ASB18: variants seen among roughly 807,000 people sequenced by gnomAD.
The protein encoded by ASB18 is ankyrin repeat and SOCS box protein 18.
ASB18 carries 33 observed loss-of-function variants against 33.4 expected under a neutral mutation model. The observed-to-expected ratio is 0.99, with a 90% confidence interval of 0.75 to 1.32. ASB18 has a LOEUF of 1.32. Among genes scored for constraint, ASB18 ranks in the 40% most tolerant of loss-of-function variants. The pLI is 0.00. For missense variants in ASB18, 694 were observed against 655.5 expected, an observed-to-expected ratio of 1.06 and a Z score of -0.64; for synonymous variants, 295 against 307.6, an observed-to-expected ratio of 0.96 and a Z score of 0.43.
At position 236,220,559 on chromosome 2, in the gene ASB18, T is replaced by C. The variant is rs2060506158; in HGVS notation, c.597-5693A>G. Among the ~76,000 whole-genome samples the C allele has an allele frequency of 6.6e-6, 1 of 152,100 alleles. No individual in the cohort carries two copies. The highest frequency in any genetic ancestry group is 2.1e-4 in the South Asian group (1 of 4,820). On this transcript the variant is annotated intron_variant, in intron 3 of 5. Transcript: ENST00000409749. This position sits in a 1 kb window ranked among gnomAD's most constrained non-coding sequence, Gnocchi z 5.1. ...GGATTCCCCAGTACTTGGCCTTTTT[T>C]TTTTTTTTTAAACAACTATTTATCT...
In ASB18 at chr2:236,238,109, CACAGAG is replaced by C. The variant is rs746433748; in HGVS notation, c.329-159_329-154del. On this transcript the variant is annotated intron_variant, in intron 2 of 5. Transcript: ENST00000409749. This position sits in a 1 kb window ranked among gnomAD's most constrained non-coding sequence, Gnocchi z 5.2. ...AGAAGAGGATAGAATCAGAGACGCA[CACAGAG>C]ACAGAGAGCAGAGAGACACACTGGG... Among the ~76,000 whole-genome samples the C allele has an allele frequency of 2.6e-5, 4 of 152,014 alleles. No individual in the cohort carries two copies. The highest frequency in any genetic ancestry group is 5.9e-5 in the Non-Finnish European group (4 of 68,004).
intron 4 of ASB18, among the ~76,000 whole-genome samples, chr2:236,207,145 T>TC (rs2060438259): frequency 6.6e-6 from 1 of 152,154 alleles, no homozygotes; most frequent in Non-Finnish European, 1.5e-5. Flanking sequence ...GCTTTCCCTT[T>TC]CCCCCTGTCA....
At chr2:236,233,569 T>A (rs564946044) in intron 3 of ASB18, among the ~76,000 whole-genome samples, 1 of 152,308 alleles carries the variant, frequency 6.6e-6, no homozygotes, top group Non-Finnish European at 1.5e-5. Context: ...AGAAGGGTTA[T>A]AGGATACAAG....
Position 236,229,487 on chromosome 2 carries a change from G to T in ASB18, c.596+8202C>A, listed in dbSNP as rs767646370. Among the ~76,000 whole-genome samples, 1 of 152,090 alleles carries T rather than the reference G, an allele frequency of 6.6e-6. No individual in the cohort carries two copies. Among genetic ancestry groups the T allele is most frequent in the Admixed American group, 6.6e-5 (1 of 15,258 alleles). On this transcript the variant is annotated intron_variant, in intron 3 of 5. Coordinates refer to ENST00000409749, the MANE Select transcript of ASB18 (RefSeq NM_212556.4). This position sits in a 1 kb window ranked among gnomAD's most constrained non-coding sequence, Gnocchi z 5.2. The stretch of plus-strand genomic sequence containing the variant: ...ATAATTGCCAAAATATTTCCAAATT[G>T]GATGAAAAGCATATAAACCCACAGA...
In ASB18 at chr2:236,240,072, G is replaced by A. The variant is rs530852836; in HGVS notation, c.328+1208C>T. On this transcript the variant is annotated intron_variant, in intron 2 of 5. Coordinates refer to ENST00000409749, the MANE Select transcript of ASB18 (RefSeq NM_212556.4). ...AGGGGTGGGAAGATTCGGGAGGGAA[G>A]GAGGAAACTGATTTTGGATACAGAA... is the stretch of plus-strand genomic sequence containing the variant. Among the ~76,000 whole-genome samples, 263 of 152,360 alleles carry A rather than the reference G, an allele frequency of 1.7e-3. 1 individual carries two copies. Among genetic ancestry groups the A allele is most frequent in the African/African-American group, 6.2e-3 (257 of 41,590 alleles).
In ASB18 at chr2:236,241,458, A is replaced by T. The variant is rs368128590; in HGVS notation, c.206-56T>A. On this transcript the variant is annotated intron_variant, in intron 1 of 5. Coordinates refer to ENST00000409749, the MANE Select transcript of ASB18 (RefSeq NM_212556.4). The surrounding 1 kb of genome is among the most constrained non-coding windows in gnomAD (Gnocchi z 4.2). ...CCGGGGACCCTGCTCTAGCTTGAGG[A>T]TCCTTCTCTGTCTTTTGAAATATTT... 2 of 1,608,134 alleles carry T rather than the reference A, an allele frequency of 1.2e-6. No individual in the cohort carries two copies. The highest frequency in any genetic ancestry group is 1.7e-6 in the Non-Finnish European group (2 of 1,175,526).
intron 1 of ASB18, among the ~76,000 whole-genome samples, chr2:236,261,959 C>T (rs2106288362): frequency 6.6e-6 from 1 of 152,218 alleles, no homozygotes; most frequent in African/African-American, 2.4e-5. Context: ...CAATTATCTC[C>T]CACTGGGTCC....
In ASB18 at chr2:236,244,303, GAGA is replaced by G. The variant is rs571935683; in HGVS notation, c.206-2904_206-2902del. Reference sequence around the variant, plus strand: ...GGAGGGCTTTGCCTGGATGAGCAGAGAGAAGAGCAGTGCAGTATGGGCCCAGGA... The same window carrying G: ...GGAGGGCTTTGCCTGGATGAGCAGAGAGAGCAGTGCAGTATGGGCCCAGGA... On this transcript the variant is annotated intron_variant, in intron 1 of 5. Coordinates refer to ENST00000409749, the MANE Select transcript of ASB18 (RefSeq NM_212556.4). This position sits in a 1 kb window ranked among gnomAD's most constrained non-coding sequence, Gnocchi z 6.1. 4.3e-4 allele frequency among the ~76,000 whole-genome samples: 65 copies of G among 152,378 alleles called. 1 individual carries two copies. The highest frequency in any genetic ancestry group is 2.5e-3 in the South Asian group (12 of 4,834).
chr2:236,240,966 C>T (rs905404014), intron 2 of ASB18, among the ~76,000 whole-genome samples: 1 of 152,194 alleles, frequency 6.6e-6, no homozygotes, highest in Non-Finnish European at 1.5e-5. Flanking sequence ...CAGCACCCAC[C>T]TCCCTGGCTG....
rs1213024853 is a variant in ASB18, at chr2:236,214,250, G to T, written c.1101+112C>A. ...ATTCTGCATTTTCACAAGTCCCCAG[G>T]GGTGCCTGGGCCATTACACTTTGAG... On this transcript the variant is annotated intron_variant, in intron 4 of 5. Coordinates refer to ENST00000409749, the MANE Select transcript of ASB18 (RefSeq NM_212556.4). This position sits in a 1 kb window ranked among gnomAD's most constrained non-coding sequence, Gnocchi z 6.5. 2.7e-6 allele frequency: 3 copies of T among 1,127,368 alleles called. No homozygotes were observed. The East Asian group carries it at 8.8e-5, about 33-fold the overall frequency. The allele number at this position is 1,127,368 out of a possible 1,614,324, so 69.8% of individuals were successfully genotyped here. A position where few individuals can be genotyped will look rare whatever the true frequency, so the allele number is the denominator to read the frequency against.
chr2:236,226,561 C>T lies in ASB18; in HGVS notation c.596+11128G>A, dbSNP rs1490343984. The stretch of plus-strand genomic sequence containing the variant: ...GCCTGTATGATTTTTGTAAAACCAA[C>T]GGAAGCCAGGATATTAGATTCTATT... On this transcript the variant is annotated intron_variant, in intron 3 of 5. Coordinates refer to ENST00000409749, the MANE Select transcript of ASB18 (RefSeq NM_212556.4). The surrounding 1 kb of genome is among the most constrained non-coding windows in gnomAD (Gnocchi z 4.8). Among the ~76,000 whole-genome samples the T allele has an allele frequency of 2.6e-5, 4 of 152,262 alleles. No homozygotes were observed. The highest frequency in any genetic ancestry group is 1.9e-4 in the East Asian group (1 of 5,188).
Position 236,237,387 on chromosome 2 carries a change from GGGGGCCGGGGCCGGGGCGC to G in ASB18, c.596+283_596+301del, listed in dbSNP as rs1559335084. 3.9e-5 allele frequency among the ~76,000 whole-genome samples: 3 copies of G among 75,984 alleles called. No individual in the cohort carries two copies. The highest frequency in any genetic ancestry group is 3.4e-4 in the East Asian group (1 of 2,934). The allele number at this position is 75,984 out of a possible 152,430, so 49.8% of individuals were successfully genotyped here. A position where few individuals can be genotyped will look rare whatever the true frequency, so the allele number is the denominator to read the frequency against. On this transcript the variant is annotated intron_variant, in intron 3 of 5. Coordinates refer to ENST00000409749, the MANE Select transcript of ASB18 (RefSeq NM_212556.4). The surrounding 1 kb of genome is among the most constrained non-coding windows in gnomAD (Gnocchi z 6.2). ...GGGGGCCGGGGCCGGGGCGCGGGGC[GGGGGCCGGGGCCGGGGCGC>G]GGGGCGGGGGCCGGGGCCGGGGCGC...
At chr2:236,232,704 A>C (rs2060571932) in intron 3 of ASB18, among the ~76,000 whole-genome samples, 1 of 152,030 alleles carries the variant, frequency 6.6e-6, no homozygotes. Context: ...CTCTTAGAAA[A>C]TACAAACTAT....
At chr2:236,201,231 A>G (rs1559326595) in intron 4 of ASB18, among the ~76,000 whole-genome samples, 1 of 151,914 alleles carries the variant, frequency 6.6e-6, no homozygotes, top group Non-Finnish European at 1.5e-5. Flanking sequence ...GGCTCACTAC[A>G]GCCTTGACCT....
rs1377299542 is a variant in ASB18 at position 236,259,563 on chromosome 2, C to T, written c.205+4578G>A. The stretch of plus-strand genomic sequence containing the variant: ...GGGATGGCCTTCCAGTGGACGTGAC[C>T]TCCCCTGCATGGGGTCGGAAGGATG... On this transcript the variant is annotated intron_variant, in intron 1 of 5. Coordinates refer to ENST00000409749, the MANE Select transcript of ASB18 (RefSeq NM_212556.4). The surrounding 1 kb of genome is among the most constrained non-coding windows in gnomAD (Gnocchi z 4.4). 2 of 471,198 alleles carry T rather than the reference C, an allele frequency of 4.2e-6. No homozygotes were observed. The highest frequency in any genetic ancestry group is 4.7e-5 in the Admixed American group (2 of 42,578). 29.2% of individuals were successfully genotyped at this position (471,198 alleles called of 1,614,324 possible). A position where few individuals can be genotyped will look rare whatever the true frequency, so the allele number is the denominator to read the frequency against.
chr2:236,239,012 G>C lies in ASB18; in HGVS notation c.329-1056C>G, dbSNP rs1049193888. Among the ~76,000 whole-genome samples, 1 of 152,150 alleles carries C rather than the reference G, an allele frequency of 6.6e-6. No individual in the cohort carries two copies. Among genetic ancestry groups the C allele is most frequent in the Non-Finnish European group, 1.5e-5 (1 of 68,024 alleles). On this transcript the variant is annotated intron_variant, in intron 2 of 5. Transcript: ENST00000409749. The surrounding 1 kb of genome is among the most constrained non-coding windows in gnomAD (Gnocchi z 5.6). ...GCCTGGAGCTTGTTGTGCACTCAGT[G>C]GGGGAAGGGGGGCCTGTGGGACTGG...
intron 4 of ASB18, among the ~76,000 whole-genome samples, chr2:236,212,948 A>G (rs971349244): frequency 2.6e-4 from 39 of 152,292 alleles, no homozygotes; most frequent in African/African-American, 9.4e-4. Flanking sequence ...TTCTTTATGC[A>G]GTTGCATATG....
At chr2:236,202,258 T>A (rs980037194) in intron 4 of ASB18, among the ~76,000 whole-genome samples, 1 of 152,156 alleles carries the variant, frequency 6.6e-6, no homozygotes, top group Non-Finnish European at 1.5e-5. Context: ...GCCTCATTTT[T>A]AAATTTTAAC....
intron 1 of ASB18, among the ~76,000 whole-genome samples, chr2:236,258,001 G>A (rs1185536159): frequency 2.0e-5 from 3 of 152,178 alleles, no homozygotes; most frequent in African/African-American, 7.2e-5. Flanking sequence ...CTCCGTGTAG[G>A]ACCAGTTTCA....
Sources: allele counts gnomAD v4.1 joint callset (sites outside exome capture counted in the v4.1 genomes callset), GRCh38; gene constraint gnomAD v4.1.1; non-coding constraint Gnocchi (gnomAD v3.1); transcripts MANE v1.5; gene names NCBI Gene and HGNC (gene_info 2026-07-23, HGNC 2026-07-21).